The following TENM2 variants were observed in gnomAD, a reference collection of about 807,000 sequenced individuals.
The protein encoded by TENM2 is teneurin transmembrane protein 2.
A neutral mutation model predicts 245.2 loss-of-function variants in TENM2; 52 were observed. The ratio of observed to expected loss-of-function variants is 0.21; its 90% CI spans 0.17 to 0.27. The LOEUF is 0.27. Ranked by LOEUF, TENM2 falls within the 10% of genes least tolerant of loss-of-function variation. TENM2 has a pLI of 1.00. For missense variants in TENM2, 3,046 were observed against 3,666.8 expected (o/e 0.83, Z 4.37); for synonymous variants, 1,363 against 1,438.9 (o/e 0.95, Z 1.19).
chr5:167,205,584 C>T, the TENM2 span, among the ~76,000 whole-genome samples: 2 of 152,030 alleles, frequency 1.3e-5, no homozygotes, highest in Non-Finnish European at 2.9e-5. Flanking sequence ...TTCATCTTTC[C>T]TCTCAACCTC....
At chr5:167,408,959 T>C (rs182876111) in intron 2 of TENM2, among the ~76,000 whole-genome samples, 207 of 145,162 alleles carry the variant, frequency 1.4e-3, no homozygotes, top group African/African-American at 4.0e-3. Flanking sequence ...TATATATATA[T>C]ACACACACAC....
intron 4 of TENM2, among the ~76,000 whole-genome samples, chr5:167,953,947 A>G (rs1780325707): frequency 6.6e-6 from 1 of 152,122 alleles, no homozygotes; most frequent in Admixed American, 6.5e-5. Context: ...CCAAACTTTT[A>G]ATTTTATTTT....
chr5:167,576,924 T>C (rs1774732720), intron 2 of TENM2, among the ~76,000 whole-genome samples: 1 of 152,160 alleles, frequency 6.6e-6, no homozygotes, highest in Non-Finnish European at 1.5e-5. Context: ...CCCAATAGGA[T>C]TTTCCTCAGA....
chr5:167,046,930 C>T, the TENM2 span, among the ~76,000 whole-genome samples: 2 of 151,840 alleles, frequency 1.3e-5, no homozygotes, highest in Non-Finnish European at 2.9e-5. Flanking sequence ...TGTTCACCTC[C>T]CACTTAGGAG....
intron 2 of TENM2, among the ~76,000 whole-genome samples, chr5:167,730,329 A>G (rs1760332366): frequency 6.6e-6 from 1 of 152,186 alleles, no homozygotes; most frequent in Non-Finnish European, 1.5e-5. Flanking sequence ...CAAAGGTATG[A>G]GTAATACTCT....
chr5:167,193,248 A>G, the TENM2 span, among the ~76,000 whole-genome samples: 1 of 152,014 alleles, frequency 6.6e-6, no homozygotes, highest in Non-Finnish European at 1.5e-5. Context: ...ATCATTATAC[A>G]CGTTTGTTCT....
chr5:167,100,566 C>G, the TENM2 span, among the ~76,000 whole-genome samples: 1 of 152,092 alleles, frequency 6.6e-6, no homozygotes, highest in Non-Finnish European at 1.5e-5. Context: ...GATTGAAGAC[C>G]CTGTTCTTTT....
intron 3 of TENM2, among the ~76,000 whole-genome samples, chr5:167,897,887 A>ATTTTT (rs1432727515): frequency 1.5e-5 from 2 of 136,760 alleles, no homozygotes; most frequent in African/African-American, 5.5e-5. Flanking sequence ...TCCGTAGTAA[A>ATTTTT]TTGTTTTTTT....
intron 1 of TENM2, among the ~76,000 whole-genome samples, chr5:167,295,978 T>G (rs1011259589): frequency 3.9e-5 from 6 of 152,154 alleles, no homozygotes; most frequent in African/African-American, 7.2e-5. Flanking sequence ...TTTAATAAGG[T>G]CCAACAGACT....
intron 2 of TENM2, among the ~76,000 whole-genome samples, chr5:167,817,463 C>A (rs1220787889): frequency 6.6e-6 from 1 of 152,120 alleles, no homozygotes; most frequent in Non-Finnish European, 1.5e-5. Context: ...GTGATGCCAT[C>A]TTATGAAAAG....
Position 168,226,275 on chromosome 5 carries a change from C to G in TENM2, c.5284+12C>G. The G allele has an allele frequency of 1.2e-6, 2 of 1,609,476 alleles. No individual in the cohort carries two copies. Among genetic ancestry groups the G allele is most frequent in the Non-Finnish European group, 1.7e-6 (2 of 1,177,040 alleles). On this transcript the variant is annotated intron_variant, in intron 24 of 28. Transcript: ENST00000518659. ...CACAGTGGTACAAGGTGAGCCTCCA[C>G]CCATACCATCCTACCCCCAAACTCA...
At chr5:167,732,311 G>A (rs1421626047) in intron 2 of TENM2, among the ~76,000 whole-genome samples, 1 of 152,122 alleles carries the variant, frequency 6.6e-6, no homozygotes, top group Non-Finnish European at 1.5e-5. Context: ...TTTTAAAGCT[G>A]TCCAGGGAGA....
At chr5:167,223,297 G>C in the TENM2 span, among the ~76,000 whole-genome samples, 190 of 152,072 alleles carry the variant, frequency 1.2e-3, no homozygotes, top group African/African-American at 4.0e-3. Context: ...CAACTTGTTT[G>C]TTTGTACCCA....
chr5:167,409,540 A>G (rs1762802690), intron 2 of TENM2, among the ~76,000 whole-genome samples: 2 of 152,052 alleles, frequency 1.3e-5, no homozygotes, highest in Admixed American at 6.6e-5. Context: ...TTAAAAAAAC[A>G]AAGAGAAACT....
intron 1 of TENM2, among the ~76,000 whole-genome samples, chr5:167,351,669 T>C (rs973423571): frequency 5.3e-5 from 8 of 152,096 alleles, no homozygotes; most frequent in African/African-American, 9.7e-5. Flanking sequence ...CTATTTGATA[T>C]TGGGGGACAA....
intron 15 of TENM2, among the ~76,000 whole-genome samples, chr5:168,197,096 T>G (rs1761498629): frequency 6.6e-6 from 1 of 152,210 alleles, no homozygotes. Context: ...CAATTTTACT[T>G]CAAGACATTT....
intron 2 of TENM2, among the ~76,000 whole-genome samples, chr5:167,829,954 G>A (rs1293617475): frequency 6.6e-6 from 1 of 152,170 alleles, no homozygotes; most frequent in Non-Finnish European, 1.5e-5. Flanking sequence ...AGCTCCTCAT[G>A]GAGAGGCAAT....
chr5:167,149,197 G>C, the TENM2 span, among the ~76,000 whole-genome samples: 2 of 151,486 alleles, frequency 1.3e-5, no homozygotes, highest in African/African-American at 4.9e-5. Context: ...TTCATTTAAG[G>C]CTGTTGAATT....
intron 12 of TENM2, among the ~76,000 whole-genome samples, chr5:168,156,252 A>AAAAAAAAC (rs1554210126): frequency 1.3e-5 from 2 of 149,394 alleles, no homozygotes; most frequent in African/African-American, 5.0e-5. Context: ...ATAGTTAAAA[A>AAAAAAAAC]AAAAAAAAAA....
Sources: gnomAD v4.1 joint callset for allele counts (sites outside exome capture counted in the v4.1 genomes callset) on GRCh38, gnomAD v4.1.1 for gene constraint, MANE v1.5 for transcripts, NCBI Gene and HGNC (gene_info 2026-07-23, HGNC 2026-07-21) for gene names.